The following DMD variants were observed in gnomAD, a reference collection of about 807,000 sequenced individuals.
The protein encoded by DMD is dystrophin.
DMD carries 63 observed loss-of-function variants against 330.1 expected under a neutral mutation model. The ratio of observed to expected loss-of-function variants is 0.19; its 90% confidence interval spans 0.16 to 0.24. DMD has a LOEUF of 0.24. Among genes scored for constraint, DMD ranks in the 10% least tolerant of loss-of-function variants. The pLI is 1.00. For missense variants in DMD, 3,344 were observed against 2,684.1 expected, an observed-to-expected ratio of 1.25 and a Z score of -5.43; for synonymous variants, 1,223 against 959.8, an observed-to-expected ratio of 1.27 and a Z score of -5.07.
chrX:32,687,612 T>C (rs1444292422), intron 9 of DMD, among the ~76,000 whole-genome samples: 1 of 111,506 alleles, frequency 9.0e-6, no homozygotes, highest in Non-Finnish European at 1.9e-5. Flanking sequence ...CCAACTGCCC[T>C]GGCTGAAGTT....
chrX:32,602,919 C>A (rs1035371493), intron 12 of DMD, among the ~76,000 whole-genome samples: 4 of 111,349 alleles, frequency 3.6e-5, no homozygotes, highest in Admixed American at 2.9e-4. Context: ...AAGTTAAAAT[C>A]AGAATCTACC....
At chrX:32,777,652 C>A (rs1200531087) in intron 7 of DMD, among the ~76,000 whole-genome samples, 4 of 111,595 alleles carry the variant, frequency 3.6e-5, no homozygotes, top group Admixed American at 1.9e-4. Context: ...TTCTATTGAG[C>A]AAATCTTTAC....
At chrX:32,841,864 TTAA>T (rs2080190526) in intron 4 of DMD, among the ~76,000 whole-genome samples, 1 of 112,064 alleles carries the variant, frequency 8.9e-6, no homozygotes, top group Non-Finnish European at 1.9e-5. Context: ...CTTGTTTTTA[TTAA>T]TATTAACCAT....
chrX:32,835,662 G>C (rs1023602651), intron 4 of DMD, among the ~76,000 whole-genome samples: 2 of 111,630 alleles, frequency 1.8e-5, no homozygotes, highest in African/African-American at 3.3e-5. Context: ...GAGGATAACA[G>C]GTTAAACGCC....
chrX:32,978,222 G>A (rs757634477), intron 2 of DMD, among the ~76,000 whole-genome samples: 1 of 112,037 alleles, frequency 8.9e-6, no homozygotes, highest in South Asian at 3.7e-4. Flanking sequence ...GAACTCTTGG[G>A]CCAGTGTAGG....
intron 15 of DMD, among the ~76,000 whole-genome samples, chrX:32,571,166 G>C (rs1211290704): frequency 9.0e-6 from 1 of 111,686 alleles, no homozygotes; most frequent in Non-Finnish European, 1.9e-5. Context: ...TATTTAACTA[G>C]CAATATATCT....
intron 62 of DMD, among the ~76,000 whole-genome samples, chrX:31,316,807 T>G (rs2056051454): frequency 8.9e-6 from 1 of 111,953 alleles, no homozygotes; most frequent in South Asian, 3.8e-4. Context: ...TACTAAAGCC[T>G]TTTGAAAAGT....
chrX:33,041,332 G>A, intron 1 of DMD: 1 of 1,127,421 alleles, frequency 8.9e-7, no homozygotes, highest in Non-Finnish European at 1.2e-6. Flanking sequence ...TACCGCCTCT[G>A]CGCGTCGCCC....
chrX:31,793,916 TA>T (rs1483978393), intron 50 of DMD, among the ~76,000 whole-genome samples: 2 of 112,089 alleles, frequency 1.8e-5, no homozygotes, highest in Non-Finnish European at 3.8e-5. Flanking sequence ...AAAGGAAAAT[TA>T]TATTCAGAGA....
intron 44 of DMD, among the ~76,000 whole-genome samples, chrX:32,141,214 C>T (rs896762430): frequency 4.4e-4 from 47 of 107,428 alleles, no homozygotes; most frequent in Non-Finnish European, 7.9e-4. Flanking sequence ...TGACTTGAGG[C>T]TAGGAGTTCG....
chrX:32,462,619 A>C (rs1419391332), intron 25 of DMD, among the ~76,000 whole-genome samples: 1 of 110,784 alleles, frequency 9.0e-6, no homozygotes, highest in African/African-American at 3.3e-5. Flanking sequence ...TTTTTTTGAA[A>C]TTCAGCTATT....
At chrX:32,322,384 C>T (rs1407254663) in intron 41 of DMD, among the ~76,000 whole-genome samples, 1 of 110,462 alleles carries the variant, frequency 9.1e-6, no homozygotes, top group East Asian at 2.9e-4. Flanking sequence ...CATAATGACA[C>T]ATCATCTCTA....
intron 43 of DMD, among the ~76,000 whole-genome samples, chrX:32,227,584 G>A (rs1191019657): frequency 1.9e-5 from 2 of 108,105 alleles, no homozygotes; most frequent in South Asian, 4.1e-4. Flanking sequence ...TGGGGGCGAA[G>A]GATAGGAAAT....
chrX:33,267,108 A>G lies in DMD; in HGVS notation c.7+72151T>C, dbSNP rs1042745209. On this transcript the variant is annotated intron_variant, in intron 1 of 17. Coordinates refer to the DMD transcript ENST00000288447. ...CTTAGAAAACCCAAAGACTCCACCA[A>G]AAGGCTACTAGAACTGATAAACAAT... Among the ~76,000 whole-genome samples, 4 of 111,701 alleles carry G rather than the reference A, an allele frequency of 3.6e-5. No homozygotes were observed. In the Admixed American group the frequency reaches 3.8e-4, roughly 11 times the overall value.
At chrX:32,218,564 T>C (rs1412104719) in intron 43 of DMD, among the ~76,000 whole-genome samples, 5 of 111,962 alleles carry the variant, frequency 4.5e-5, no homozygotes, top group Non-Finnish European at 9.4e-5. Context: ...AAAGTAACAC[T>C]AGAAGTTTTA....
At chrX:31,178,838 G>C (rs2040838150) in intron 69 of DMD, 33 bp from the exon 70 acceptor site, 10 of 1,199,604 alleles carry the variant, frequency 8.3e-6, no homozygotes, top group Non-Finnish European at 1.1e-5. Flanking sequence ...ATCAGATTTA[G>C]GACAGGATGA....
chrX:32,123,233 AT>A (rs2096645998), intron 44 of DMD, among the ~76,000 whole-genome samples: 5 of 89,042 alleles, frequency 5.6e-5, no homozygotes, highest in Non-Finnish European at 1.1e-4. Context: ...ATATATATAT[AT>A]ATATATATAA....
chrX:32,329,751 A>G (rs1161418213), intron 41 of DMD, among the ~76,000 whole-genome samples: 1 of 112,427 alleles, frequency 8.9e-6, no homozygotes, highest in Non-Finnish European at 1.9e-5. Context: ...TCTATTAACT[A>G]AGAAAGCACT....
intron 9 of DMD, among the ~76,000 whole-genome samples, chrX:32,665,617 T>A (rs2061250676): frequency 8.9e-6 from 1 of 111,776 alleles, no homozygotes; most frequent in Admixed American, 9.5e-5. Flanking sequence ...CTCAAGGAAA[T>A]CATAGTCCAG....
Sources: allele counts gnomAD v4.1 joint callset (sites outside exome capture counted in the v4.1 genomes callset), GRCh38; gene constraint gnomAD v4.1.1; transcripts MANE v1.5; gene names NCBI Gene and HGNC (gene_info 2026-07-23, HGNC 2026-07-21).